TTLL9: variants seen among roughly 807,000 people sequenced by gnomAD.
The protein encoded by TTLL9 is probable tubulin polyglutamylase TTLL9.
TTLL9 carries 47 observed loss-of-function variants against 65.6 expected under a neutral mutation model. That is an observed-to-expected ratio of 0.72 (90% confidence interval 0.57 to 0.91). TTLL9 has a LOEUF of 0.91. TTLL9 is among the 40% of genes least tolerant of loss of function. TTLL9 has a pLI of 0.00. For synonymous variants in TTLL9, 179 were observed against 204.8 expected, an observed-to-expected ratio of 0.87 and a Z score of 1.07; for missense variants, 537 against 568.8, an observed-to-expected ratio of 0.94 and a Z score of 0.57.
intron 6 of TTLL9, among the ~76,000 whole-genome samples, chr20:31,914,929 C>CATTG (rs2063711641): frequency 6.6e-6 from 1 of 152,214 alleles, no homozygotes; most frequent in Admixed American, 6.5e-5. Context: ...CTGCAAGGTG[C>CATTG]ATTGTCATGG....
At chr20:31,914,064 G>A (rs1439553186) in intron 6 of TTLL9, among the ~76,000 whole-genome samples, 1 of 152,224 alleles carries the variant, frequency 6.6e-6, no homozygotes, top group Non-Finnish European at 1.5e-5. Context: ...ACACGGCAGC[G>A]AGCGTTCTTG....
chr20:31,908,368 G>A (rs2063592109), intron 4 of TTLL9, among the ~76,000 whole-genome samples: 1 of 152,192 alleles, frequency 6.6e-6, no homozygotes, highest in Admixed American at 6.5e-5. Flanking sequence ...TAGCTCAAGG[G>A]AAGCCAACCA....
At chr20:31,881,051 A>G (rs1464184815) in intron 2 of TTLL9, among the ~76,000 whole-genome samples, 1 of 151,534 alleles carries the variant, frequency 6.6e-6, no homozygotes, top group Non-Finnish European at 1.5e-5. Context: ...AGGAGTCTCT[A>G]TGTTATGTTG....
intron 14 of TTLL9, chr20:31,940,398 G>A (rs2064184529): frequency 6.6e-6 from 1 of 152,090 alleles, no homozygotes; most frequent in Non-Finnish European, 1.5e-5. Context: ...GGCTTCAGAT[G>A]ACTATATAAC....
intron 10 of TTLL9, among the ~76,000 whole-genome samples, chr20:31,930,010 C>G (rs2063979018): frequency 6.6e-6 from 1 of 152,098 alleles, no homozygotes; most frequent in South Asian, 2.1e-4. Flanking sequence ...CGCCTGTAAT[C>G]CCAGCTACTC....
At chr20:31,941,834 A>G (rs1211470340) in intron 14 of TTLL9, among the ~76,000 whole-genome samples, 1 of 152,180 alleles carries the variant, frequency 6.6e-6, no homozygotes, top group Non-Finnish European at 1.5e-5. Flanking sequence ...TTCCTGTTTC[A>G]AGTGTTTGGG....
intron 2 of TTLL9, among the ~76,000 whole-genome samples, chr20:31,873,849 AAAGAAAG>A (rs1568723668): frequency 1.5e-4 from 22 of 150,086 alleles, no homozygotes; most frequent in African/African-American, 5.4e-4. Context: ...AGAAAGAAAG[AAAGAAAG>A]AAAGAAAGAA....
intron 4 of TTLL9, among the ~76,000 whole-genome samples, chr20:31,908,224 C>G (rs1373489388): frequency 1.3e-5 from 2 of 152,172 alleles, no homozygotes; most frequent in African/African-American, 4.8e-5. Flanking sequence ...CTGGCAAGAA[C>G]AAGTGAGGCT....
At chr20:31,926,321 G>A (rs922427750) in intron 10 of TTLL9, among the ~76,000 whole-genome samples, 1 of 152,190 alleles carries the variant, frequency 6.6e-6, no homozygotes, top group Non-Finnish European at 1.5e-5. Flanking sequence ...TCAGTGCCTA[G>A]TCATTGGCTC....
intron 14 of TTLL9, 55 bp downstream of exon 14, chr20:31,939,321 A>G: frequency 6.3e-7 from 1 of 1,597,212 alleles, no homozygotes; most frequent in African/African-American, 1.4e-5. Flanking sequence ...GGGAGGTACC[A>G]GGTAGTCTAG....
intron 8 of TTLL9, 21 bp from the exon 9 acceptor site, chr20:31,924,988 A>T (rs1294035836): frequency 1.2e-6 from 2 of 1,613,778 alleles, no homozygotes; most frequent in Non-Finnish European, 1.7e-6. Context: ...TGCACAAATT[A>T]ATTTTTTCCT....
At chr20:31,884,125 A>G in intron 2 of TTLL9, 6 of 480,746 alleles carry the variant, frequency 1.2e-5, no homozygotes, top group Non-Finnish European at 2.3e-5. Flanking sequence ...AATCAGTTAT[A>G]CTTCTATATA....
chr20:31,934,114 T>C (rs1211175112), intron 11 of TTLL9, among the ~76,000 whole-genome samples: 1 of 152,272 alleles, frequency 6.6e-6, no homozygotes, highest in Non-Finnish European at 1.5e-5. Context: ...CCTCCTACCT[T>C]GACAGATATC....
chr20:31,871,772 A>G (rs1374073238), intron 2 of TTLL9, among the ~76,000 whole-genome samples: 3 of 152,224 alleles, frequency 2.0e-5, no homozygotes, highest in Non-Finnish European at 4.4e-5. Flanking sequence ...CAGTGGGTAG[A>G]GATTGTTCCT....
intron 4 of TTLL9, 62 bp from the exon 5 acceptor site, chr20:31,908,529 G>C: frequency 1.7e-6 from 2 of 1,191,130 alleles, no homozygotes; most frequent in Admixed American, 1.7e-5. Context: ...CACCTCCCTG[G>C]GCCCTGCAGT....
chr20:31,927,501 A>G (rs1050149735), intron 10 of TTLL9, among the ~76,000 whole-genome samples: 1 of 151,592 alleles, frequency 6.6e-6, no homozygotes, highest in Non-Finnish European at 1.5e-5. Context: ...AAAAAAAAAA[A>G]AAAGAAACTG....
At chr20:31,924,651 C>A (rs988222768) in intron 8 of TTLL9, among the ~76,000 whole-genome samples, 1 of 151,966 alleles carries the variant, frequency 6.6e-6, no homozygotes, top group African/African-American at 2.4e-5. Context: ...GGGTCACGAT[C>A]ATAGCTCATG....
intron 2 of TTLL9, among the ~76,000 whole-genome samples, chr20:31,873,955 G>A (rs562926685): frequency 1.3e-5 from 2 of 152,236 alleles, no homozygotes; most frequent in African/African-American, 2.4e-5. Context: ...GCAGCTCTGC[G>A]ATCCTAGGCG....
Position 31,908,677 on chromosome 20 carries a change from T to A in TTLL9, c.293T>A (p.Ile98Asn), listed in dbSNP as rs2063596916. The change falls in exon 5 of 15, where the codon ATC becomes AAC. Residue 98 changes from isoleucine (I) to asparagine (N), a missense_variant. Around this residue, in one of 3 missense-constraint regions of TTLL9, gnomAD observed 320 missense variants for 311.0 expected, o/e 1.03. Transcript: ENST00000535842. ...ACCTACATGGATGAACATGTGCGGA[T>A]CAGTCACTTCCGGAACCACTATGAG... ...DHTYMDEHVRISHFRNHYELT... is the reference protein window; with the variant it reads ...DHTYMDEHVRNSHFRNHYELT... 1.2e-6 allele frequency: 2 copies of A among 1,613,966 alleles called. No homozygotes were observed. The highest frequency in any genetic ancestry group is 1.7e-5 in the Admixed American group (1 of 60,006).
Sources: gnomAD v4.1 joint callset for allele counts (sites outside exome capture counted in the v4.1 genomes callset) on GRCh38, gnomAD v4.1.1 for gene constraint, gnomAD v4.1.1 regional missense constraint, MANE v1.5 for transcripts, NCBI Gene and HGNC (gene_info 2026-07-23, HGNC 2026-07-21) for gene names.